Variants in TNR observed in about 807,000 individuals in gnomAD.
The protein encoded by TNR is tenascin-R.
Under a neutral mutation model 150.4 loss-of-function variants are expected in TNR, and 45 were observed. The ratio of observed to expected loss-of-function variants is 0.30; its 90% CI spans 0.24 to 0.38. The LOEUF (loss-of-function observed/expected upper bound fraction) is 0.38. Among genes scored for constraint, TNR ranks in the 10% least tolerant of loss-of-function variants. The pLI is 1.00. For synonymous variants in TNR, 687 were observed against 678.4 expected, an observed-to-expected ratio of 1.01 and a Z score of -0.20; for missense variants, 1,544 against 1,759.1, an observed-to-expected ratio of 0.88 and a Z score of 2.19.
At chr1:175,611,642 T>G (rs928883104) in intron 1 of TNR, among the ~76,000 whole-genome samples, 4 of 152,128 alleles carry the variant, frequency 2.6e-5, no homozygotes, top group African/African-American at 9.7e-5. Context: ...CCATTTCTGC[T>G]CTCTCTTGAT....
At chr1:175,658,370 T>C (rs982602726) in intron 1 of TNR, among the ~76,000 whole-genome samples, 5 of 152,218 alleles carry the variant, frequency 3.3e-5, no homozygotes, top group African/African-American at 9.6e-5. Context: ...GGTGGGAGGT[T>C]AGGAGCTCAC....
intron 9 of TNR, among the ~76,000 whole-genome samples, chr1:175,377,459 GTTTTT>G (rs60693271): frequency 2.5e-5 from 3 of 121,138 alleles, no homozygotes; most frequent in Non-Finnish European, 5.1e-5. Context: ...TCATTTCAGG[GTTTTT>G]TTTTTTTTTT....
chr1:175,522,520 A>G (rs1409605506), intron 2 of TNR, among the ~76,000 whole-genome samples: 1 of 152,210 alleles, frequency 6.6e-6, no homozygotes, highest in Non-Finnish European at 1.5e-5. Flanking sequence ...TACTCATGTA[A>G]CCAAACATCA....
rs1221655588 is a variant in TNR at position 175,365,150 on chromosome 1, T to C, written c.2447A>G (p.Glu816Gly). The change falls in exon 12 of 23, where the codon GAG becomes GGG. Residue 816 changes from glutamate to glycine, a missense_variant. Glu to Gly is a moderately conservative substitution (Grantham distance 98). Transcript: ENST00000367674. Reference protein sequence around the residue: ...LNYSPRDEEEEMMEVSLDATK... With the variant: ...LNYSPRDEEEGMMEVSLDATK... The stretch of plus-strand genomic sequence containing the variant: ...GGCATCCAGGGAGACCTCCATCATC[T>C]CTTCCTCCTCATCCCTGGGGCTGTA... 3.7e-6 allele frequency: 6 copies of C among 1,614,122 alleles called. No individual in the cohort carries two copies. In the East Asian group the frequency reaches 1.3e-4, roughly 36 times the overall value.
chr1:175,635,800 A>C (rs866265334), intron 1 of TNR, among the ~76,000 whole-genome samples: 3 of 152,322 alleles, frequency 2.0e-5, no homozygotes, highest in Middle Eastern at 3.4e-3. Context: ...CCCACAGATT[A>C]CAGAGAAGAG....
rs975163319 is a variant in TNR at position 175,363,837 on chromosome 1, C to T, written c.2588-10G>A. The T allele has an allele frequency of 3.7e-6, 6 of 1,602,466 alleles. No homozygotes were observed. Among genetic ancestry groups the T allele is most frequent in the East Asian group, 2.3e-5 (1 of 44,388 alleles). On this transcript the variant is annotated splice_polypyrimidine_tract_variant and intron_variant, in intron 12 of 22. Transcript: ENST00000367674. The stretch of plus-strand genomic sequence containing the variant: ...TTTGGGGGATCAATTCCTACAAGGA[C>T]CCAGTGATTGTGGGAAAAAGACAGA...
chr1:175,602,499 A>T (rs1027182489), intron 1 of TNR, among the ~76,000 whole-genome samples: 5 of 152,356 alleles, frequency 3.3e-5, no homozygotes, highest in Admixed American at 3.3e-4. Context: ...GTCAAGCCTA[A>T]AACAAACAGA....
chr1:175,403,984 A>C (rs1653839130), intron 3 of TNR, among the ~76,000 whole-genome samples: 1 of 152,128 alleles, frequency 6.6e-6, no homozygotes, highest in East Asian at 1.9e-4. Context: ...AAAGTTGGGA[A>C]GGGAACGTGC....
intron 2 of TNR, among the ~76,000 whole-genome samples, chr1:175,429,101 G>A (rs938745694): frequency 6.6e-6 from 1 of 152,160 alleles, no homozygotes; most frequent in African/African-American, 2.4e-5. Flanking sequence ...AATATTCTAT[G>A]ATATGGGTTG....
rs202214623 is a variant in TNR, at chr1:175,542,053, CTG to C, written c.-164-13686_-164-13685del. 7.1e-3 allele frequency among the ~76,000 whole-genome samples: 1,087 copies of C among 152,294 alleles called. 13 individuals are homozygous for C. Among genetic ancestry groups the C allele is most frequent in the African/African-American group, 0.025 (1,034 of 41,546 alleles). ...AGAACCTCCTGGCACTAGGGTAAGA[CTG>C]TGACAACGGACAGCAGTGTGGTGCT... On this transcript the variant is annotated intron_variant, in intron 1 of 22. Coordinates refer to ENST00000367674, the MANE Select transcript of TNR (RefSeq NM_003285.3).
chr1:175,403,881 G>A (rs1174203009), intron 3 of TNR, among the ~76,000 whole-genome samples: 3 of 152,212 alleles, frequency 2.0e-5, no homozygotes, highest in Non-Finnish European at 4.4e-5. Flanking sequence ...GGTGTCTTAG[G>A]ATGGATTCCT....
intron 1 of TNR, among the ~76,000 whole-genome samples, chr1:175,706,543 C>T (rs1191351174): frequency 2.0e-5 from 3 of 152,162 alleles, no homozygotes; most frequent in African/African-American, 7.2e-5. Flanking sequence ...CCTTTCCACC[C>T]AGCTGAGCTC....
rs890772427 is a variant in TNR, at chr1:175,547,871, C to T, written c.-164-19502G>A. On this transcript the variant is annotated intron_variant, in intron 1 of 22. Transcript: ENST00000367674. ...ACTGTTAAAGCCACTCTGTAGAGAG[C>T]GTTGAATGCAATGCTCAGAAATTTG... Among the ~76,000 whole-genome samples the T allele has an allele frequency of 2.0e-5, 3 of 152,150 alleles. No homozygotes were observed. The East Asian group carries it at 5.8e-4, about 29-fold the overall frequency.
At chr1:175,623,676 C>T in intron 1 of TNR, among the ~76,000 whole-genome samples, 1 of 152,238 alleles carries the variant, frequency 6.6e-6, no homozygotes, top group East Asian at 1.9e-4. Flanking sequence ...CACACCCTGT[C>T]CTTTGCCAAC....
chr1:175,359,139 CTTTTTTTTTTTTTT>C lies in TNR; in HGVS notation c.2974+459_2974+472del, dbSNP rs758610631. ...AGTTTGCAGAGTTTGGGGATATCTT[CTTTTTTTTTTTTTT>C]TTTTTTTTTTTAGATGGAGTCTTGC... is the stretch of plus-strand genomic sequence containing the variant. On this transcript the variant is annotated intron_variant, in intron 15 of 22. Coordinates refer to ENST00000367674, the MANE Select transcript of TNR (RefSeq NM_003285.3). Among the ~76,000 whole-genome samples the C allele has an allele frequency of 2.6e-4, 11 of 42,148 alleles. No individual in the cohort carries two copies. In the East Asian group the frequency reaches 6.7e-3, roughly 26 times the overall value. 27.7% of individuals were successfully genotyped at this position (42,148 alleles called of 152,430 possible). A position where few individuals can be genotyped will look rare whatever the true frequency, so the allele number is the denominator to read the frequency against.
At chr1:175,493,254 T>G (rs1429839734) in intron 2 of TNR, among the ~76,000 whole-genome samples, 1 of 152,142 alleles carries the variant, frequency 6.6e-6, no homozygotes, top group African/African-American at 2.4e-5. Flanking sequence ...ATTCCAAACC[T>G]AATCTAAGCT....
chr1:175,715,312 G>A lies in TNR; in HGVS notation c.-165+27914C>T, dbSNP rs375211471. 2.2e-4 allele frequency among the ~76,000 whole-genome samples: 33 copies of A among 152,268 alleles called. No individual in the cohort carries two copies. The South Asian group carries it at 6.6e-3, about 31-fold the overall frequency. On this transcript the variant is annotated intron_variant, in intron 1 of 22. Transcript: ENST00000367674. ...TTTAGAGTCTTTTTATTTAGGGTAT[G>A]AAGGGCCCATAAATGCTAAAATGTT... is the stretch of plus-strand genomic sequence containing the variant.
At chr1:175,668,300 G>A (rs1020323503) in intron 1 of TNR, among the ~76,000 whole-genome samples, 1 of 152,162 alleles carries the variant, frequency 6.6e-6, no homozygotes, top group Non-Finnish European at 1.5e-5. Context: ...ACACGTTTTG[G>A]TAGACCTCAG....
chr1:175,351,350 T>A (rs752475529), intron 18 of TNR, among the ~76,000 whole-genome samples: 4 of 152,194 alleles, frequency 2.6e-5, no homozygotes, highest in Non-Finnish European at 5.9e-5. Context: ...AATATTACCA[T>A]GCAAATGACT....
Sources: allele counts gnomAD v4.1 joint callset (sites outside exome capture counted in the v4.1 genomes callset), GRCh38; gene constraint gnomAD v4.1.1; transcripts MANE v1.5; gene names NCBI Gene and HGNC (gene_info 2026-07-23, HGNC 2026-07-21).